Variants in LRP6 observed in about 807,000 individuals in gnomAD.
LRP6 encodes low-density lipoprotein receptor-related protein 6.
In LRP6, 43 loss-of-function variants were observed where a neutral mutation model predicts 184.1. The ratio of observed to expected loss-of-function variants is 0.23; its 90% CI spans 0.18 to 0.30. The LOEUF is 0.30. Among genes scored for constraint, LRP6 ranks in the 10% least tolerant of loss-of-function variants. The pLI is 1.00. For missense variants in LRP6, 1,571 were observed against 2,005.3 expected (o/e 0.78, Z 4.14); for synonymous variants, 719 against 684.9 (o/e 1.05, Z -0.78).
At chr12:12,249,379 A>G (rs941000962) in intron 1 of LRP6, 1 of 990,880 alleles carries the variant, frequency 1.0e-6, no homozygotes, top group Non-Finnish European at 1.6e-6. Context: ...TGGTGTCTAA[A>G]GAAAATATGA....
chr12:12,205,351 AAAAAAG>A (rs2137048179), intron 2 of LRP6, among the ~76,000 whole-genome samples: 3 of 137,890 alleles, frequency 2.2e-5, no homozygotes, highest in African/African-American at 8.1e-5. Context: ...AAAAAAAAAA[AAAAAAG>A]AGGTAATGAG....
chr12:12,228,446 G>A (rs1393965648), intron 2 of LRP6, among the ~76,000 whole-genome samples: 1 of 152,178 alleles, frequency 6.6e-6, no homozygotes, highest in Non-Finnish European at 1.5e-5. Context: ...AGTTTATGCA[G>A]TGACCCAGCA....
In LRP6 at chr12:12,119,116, A is replaced by G. The variant is rs985887425; in HGVS notation, c.*2010T>C. ...GGAAGAGTTCATGCTTGTCTGTTTT[A>G]GGATTCTGATAGATTTACCATTTGC... On this transcript the variant is annotated 3_prime_UTR_variant, in exon 23 of 23. Coordinates refer to ENST00000261349, the MANE Select transcript of LRP6 (RefSeq NM_002336.3). 9.2e-5 allele frequency: 14 copies of G among 152,242 alleles called. No individual in the cohort carries two copies. The highest frequency in any genetic ancestry group is 1.8e-4 in the Non-Finnish European group (12 of 68,040). The allele number at this position is 152,242 out of a possible 1,614,324, so 9.4% of individuals were successfully genotyped here. A position where few individuals can be genotyped will look rare whatever the true frequency, so the allele number is the denominator to read the frequency against.
intron 19 of LRP6, among the ~76,000 whole-genome samples, chr12:12,127,844 C>T (rs1434970841): frequency 6.6e-6 from 1 of 152,184 alleles, no homozygotes; most frequent in Non-Finnish European, 1.5e-5. Context: ...CTAAACTCAT[C>T]CTCTGACAGA....
intron 7 of LRP6, among the ~76,000 whole-genome samples, chr12:12,173,676 T>C (rs533855399): frequency 7.4e-4 from 112 of 152,046 alleles, no homozygotes; most frequent in African/African-American, 2.6e-3. Context: ...GGGATCTCAC[T>C]ATATTACCCA....
intron 12 of LRP6, among the ~76,000 whole-genome samples, chr12:12,151,662 G>A (rs1950083002): frequency 6.6e-6 from 1 of 151,840 alleles, no homozygotes; most frequent in Non-Finnish European, 1.5e-5. Flanking sequence ...AAACTGTAAG[G>A]CACTATATAA....
At chr12:12,148,333 T>C (rs982924029) in intron 14 of LRP6, among the ~76,000 whole-genome samples, 4 of 152,146 alleles carry the variant, frequency 2.6e-5, no homozygotes, top group African/African-American at 7.2e-5. Context: ...AGAAGTTACA[T>C]ATAAATCACT....
rs533427221 is a variant in LRP6 at position 12,197,086 on chromosome 12, G to A, written c.647+6117C>T. Among the ~76,000 whole-genome samples, 18 of 152,126 alleles carry A rather than the reference G, an allele frequency of 1.2e-4. No individual in the cohort carries two copies. The South Asian group carries it at 3.7e-3, about 32-fold the overall frequency. On this transcript the variant is annotated intron_variant, in intron 3 of 22. Coordinates refer to ENST00000261349, the MANE Select transcript of LRP6 (RefSeq NM_002336.3). ...TACCAATGTTCAAGGTAATAAATTT[G>A]TTCCTATCATGCTCTAATCTAAGAG...
At chr12:12,212,506 T>C (rs1166162022) in intron 2 of LRP6, among the ~76,000 whole-genome samples, 2 of 152,022 alleles carry the variant, frequency 1.3e-5, no homozygotes, top group South Asian at 2.1e-4. Context: ...CACCCTAAAA[T>C]AGTGCATCCC....
At chr12:12,265,469 T>C (rs1023707284) in intron 1 of LRP6, among the ~76,000 whole-genome samples, 1 of 152,162 alleles carries the variant, frequency 6.6e-6, no homozygotes, top group Non-Finnish European at 1.5e-5. Context: ...CGCAAAAATA[T>C]ACACCTGTCA....
chr12:12,117,106 T>C lies in LRP6; in HGVS notation c.*4020A>G, dbSNP rs1292925256. The C allele has an allele frequency of 1.3e-5, 2 of 152,234 alleles. No individual in the cohort carries two copies. The highest frequency in any genetic ancestry group is 2.9e-5 in the Non-Finnish European group (2 of 68,038). The allele number at this position is 152,234 out of a possible 1,614,324, so 9.4% of individuals were successfully genotyped here. On this transcript the variant is annotated 3_prime_UTR_variant, in exon 23 of 23. Transcript: ENST00000261349. ...TCAGAAGCCACACATGCACTACAAGTACTTTCTAAAATCATCTTTCACTAC... is the reference window on the plus strand; with the variant it reads ...TCAGAAGCCACACATGCACTACAAGCACTTTCTAAAATCATCTTTCACTAC...
chr12:12,249,439 A>T, intron 1 of LRP6: 1 of 756,150 alleles, frequency 1.3e-6, no homozygotes, highest in African/African-American at 1.7e-5. Context: ...AATCGAAAAG[A>T]AAAACCACAA....
intron 20 of LRP6, among the ~76,000 whole-genome samples, chr12:12,125,732 A>G (rs566393789): frequency 6.6e-6 from 1 of 152,142 alleles, no homozygotes; most frequent in African/African-American, 2.4e-5. Context: ...CTCTTGGAGG[A>G]TTTGAAAGGA....
At chr12:12,192,161 G>A (rs146868085) in intron 3 of LRP6, among the ~76,000 whole-genome samples, 143 of 152,078 alleles carry the variant, frequency 9.4e-4, no homozygotes, top group African/African-American at 2.8e-3. Flanking sequence ...ATGGGAGAGA[G>A]AATGGAGATA....
chr12:12,164,187 G>A (rs1045223954), intron 9 of LRP6, 86 bp downstream of exon 9: 1 of 1,213,002 alleles, frequency 8.2e-7, no homozygotes, highest in Non-Finnish European at 1.2e-6. Flanking sequence ...AACAATGAGG[G>A]AGGTGGGTCA....
chr12:12,204,881 C>T (rs1292419331), intron 2 of LRP6, among the ~76,000 whole-genome samples: 1 of 150,828 alleles, frequency 6.6e-6, no homozygotes, highest in Non-Finnish European at 1.5e-5. Flanking sequence ...GCAGGAGAAT[C>T]GCTTGAACCT....
intron 2 of LRP6, among the ~76,000 whole-genome samples, chr12:12,214,925 G>A (rs1220432740): frequency 1.3e-5 from 2 of 152,186 alleles, no homozygotes; most frequent in Non-Finnish European, 2.9e-5. Context: ...ACAATAAGAT[G>A]CTAGACAACT....
chr12:12,136,002 C>A (rs925452336), intron 16 of LRP6, among the ~76,000 whole-genome samples: 59 of 151,944 alleles, frequency 3.9e-4, no homozygotes, highest in African/African-American at 1.3e-3. Flanking sequence ...CTGGGCAACA[C>A]AGTGAAATCC....
At chr12:12,165,659 T>C (rs1862860095) in intron 7 of LRP6, among the ~76,000 whole-genome samples, 1 of 152,206 alleles carries the variant, frequency 6.6e-6, no homozygotes, top group Non-Finnish European at 1.5e-5. Flanking sequence ...TATTTTATCA[T>C]ATATTTTGTT....
Sources: allele counts gnomAD v4.1 joint callset (sites outside exome capture counted in the v4.1 genomes callset), GRCh38; gene constraint gnomAD v4.1.1; transcripts MANE v1.5; gene names NCBI Gene and HGNC (gene_info 2026-07-23, HGNC 2026-07-21).